SULT1E1: variants seen among roughly 807,000 people sequenced by gnomAD.
SULT1E1 encodes sulfotransferase family 1E member 1.
A neutral mutation model predicts 33.6 loss-of-function variants in SULT1E1; 36 were observed. That is an observed-to-expected ratio of 1.07 (90% confidence interval 0.82 to 1.41). SULT1E1 has a LOEUF of 1.41. Among genes scored for constraint, SULT1E1 ranks in the 40% most tolerant of loss-of-function variants. SULT1E1 has a pLI of 0.00. For synonymous variants in SULT1E1, 121 were observed against 111.7 expected (o/e 1.08, Z -0.53); for missense variants, 371 against 345.7 (o/e 1.07, Z -0.58).
chr4:69,849,475 G>C lies in SULT1E1; in HGVS notation c.458C>G (p.Ser153Cys), dbSNP rs749963767. 1 of 1,611,664 alleles carries C rather than the reference G, an allele frequency of 6.2e-7. No homozygotes were observed. Among genetic ancestry groups the C allele is most frequent in the East Asian group, 2.2e-5 (1 of 44,802 alleles). ...LMVAGHPNPG[S>C]FPEFVEKFMQ... Reference sequence around the variant, plus strand: ...GAATTTCTCCACAAACTCTGGAAAGGATCCAGGATTTGGATGACCAGCCAC... The same window carrying C: ...GAATTTCTCCACAAACTCTGGAAAGCATCCAGGATTTGGATGACCAGCCAC... The change falls in exon 5 of 8, where the codon TCC becomes TGC. Residue 153 changes from serine (S) to cysteine (C), a missense_variant. Physicochemically the swap from Ser to Cys is moderately radical, Grantham distance 112. Coordinates refer to ENST00000226444, the MANE Select transcript of SULT1E1 (RefSeq NM_005420.3).
the SULT1E1 span, among the ~76,000 whole-genome samples, chr4:69,822,309 C>G: frequency 2.0e-5 from 3 of 152,056 alleles, no homozygotes; most frequent in African/African-American, 7.2e-5. Flanking sequence ...GCTTAGTTTG[C>G]AGGAATAATA....
chr4:69,852,056 T>C (rs568119357), intron 4 of SULT1E1, among the ~76,000 whole-genome samples: 2 of 152,214 alleles, frequency 1.3e-5, no homozygotes, highest in Non-Finnish European at 2.9e-5. Flanking sequence ...GATACCAACA[T>C]GGCACATGTA....
intron 5 of SULT1E1, among the ~76,000 whole-genome samples, chr4:69,848,521 T>C (rs1361367080): frequency 6.6e-6 from 1 of 151,928 alleles, no homozygotes; most frequent in Non-Finnish European, 1.5e-5. Flanking sequence ...TAGGGAATTT[T>C]TCCTTACAGA....
intron 1 of SULT1E1, among the ~76,000 whole-genome samples, chr4:69,858,310 C>T (rs547722826): frequency 5.9e-5 from 9 of 152,176 alleles, no homozygotes; most frequent in African/African-American, 2.2e-4. Context: ...TGGATACTCC[C>T]ATTGAATGAC....
At chr4:69,822,634 C>A in the SULT1E1 span, among the ~76,000 whole-genome samples, 1 of 152,154 alleles carries the variant, frequency 6.6e-6, no homozygotes, top group Non-Finnish European at 1.5e-5. Flanking sequence ...ACTCTAGGTT[C>A]TGTACTGCAA....
downstream of SULT1E1, among the ~76,000 whole-genome samples, chr4:69,836,684 A>G (rs902962292): frequency 6.6e-6 from 1 of 152,186 alleles, no homozygotes; most frequent in African/African-American, 2.4e-5. Flanking sequence ...TAAATGAAAC[A>G]TATTTCAAAA....
At chr4:69,824,583 G>A in the SULT1E1 span, among the ~76,000 whole-genome samples, 1 of 152,148 alleles carries the variant, frequency 6.6e-6, no homozygotes, top group East Asian at 1.9e-4. Context: ...AGCCAGCCGG[G>A]GTTCTTGGTC....
rs749786921 is a variant in SULT1E1 at position 69,857,573 on chromosome 4, G to A, written c.72C>T (p.Val24=). 2.5e-6 allele frequency: 4 copies of A among 1,613,132 alleles called. No homozygotes were observed. In the East Asian group the frequency reaches 8.9e-5, roughly 36 times the overall value. Residue 24 remains valine (V), a synonymous_variant, in exon 2 of 8, where the codon GTC becomes GTT. Transcript: ENST00000226444. ...ACGCTTCCACATTATCCCAATATTTGACAAAATCTTTATACATTAGAATCC... is the reference window on the plus strand; with the variant it reads ...ACGCTTCCACATTATCCCAATATTTAACAAAATCTTTATACATTAGAATCC... ...VHGILMYKDF[V]KYWDNVEAFQ... is the part of the protein sequence containing the mutation.
At chr4:69,846,305 C>CAAA (rs34408656) in intron 6 of SULT1E1, among the ~76,000 whole-genome samples, 7 of 107,038 alleles carry the variant, frequency 6.5e-5, no homozygotes, top group African/African-American at 1.1e-4. Context: ...ACAAAACAAT[C>CAAA]AAAAAAAAAA....
chr4:69,850,672 T>C (rs1171945871), intron 4 of SULT1E1, among the ~76,000 whole-genome samples: 1 of 152,224 alleles, frequency 6.6e-6, no homozygotes, highest in East Asian at 1.9e-4. Context: ...ACTGTATGCA[T>C]TAATTTACTT....
At chr4:69,849,412 T>A (rs1439774720) in intron 5 of SULT1E1, 25 bp downstream of exon 5, 6 of 1,600,584 alleles carry the variant, frequency 3.7e-6, no homozygotes, top group East Asian at 2.2e-5. Context: ...TGAAAAAAAA[T>A]TCAGTGTAAA....
At chr4:69,839,658 G>A (rs757757958), downstream of SULT1E1, among the ~76,000 whole-genome samples, 3 of 152,248 alleles carry the variant, frequency 2.0e-5, no homozygotes, top group Non-Finnish European at 4.4e-5. Flanking sequence ...TTTCTTGGAA[G>A]CACAGAACCA....
At chr4:69,842,227 A>G (rs1220724) in intron 7 of SULT1E1, 121 bp from the exon 8 acceptor site, 511,837 of 628,034 alleles carry the variant, frequency 0.81, 211,114 homozygotes, top group Non-Finnish European at 0.85. Context: ...CTCAATTTTA[A>G]GAATCAAATG....
At chr4:69,849,181 G>A in intron 5 of SULT1E1, 1 of 238,572 alleles carries the variant, frequency 4.2e-6, no homozygotes, top group Non-Finnish European at 8.3e-6. Context: ...GAATAAAATT[G>A]CTACCCCCAG....
the SULT1E1 span, among the ~76,000 whole-genome samples, chr4:69,834,218 G>T: frequency 6.6e-6 from 1 of 152,156 alleles, no homozygotes; most frequent in South Asian, 2.1e-4. Flanking sequence ...CTCCAGGTTT[G>T]TATAGTAAGC....
At chr4:69,824,965 G>A in the SULT1E1 span, among the ~76,000 whole-genome samples, 385 of 152,212 alleles carry the variant, frequency 2.5e-3, 2 homozygotes, top group Admixed American at 0.017. Context: ...TTGCTCTTTC[G>A]GGTCACTACT....
chr4:69,852,606 A>G (rs1383318940), intron 4 of SULT1E1, among the ~76,000 whole-genome samples: 1 of 152,102 alleles, frequency 6.6e-6, no homozygotes, highest in Non-Finnish European at 1.5e-5. Flanking sequence ...TCTTCTCTTT[A>G]TCACTTACAG....
At position 69,857,388 on chromosome 4, in the gene SULT1E1, G is replaced by A. The variant is rs1042091444; in HGVS notation, c.145+112C>T. The A allele has an allele frequency of 1.1e-4, 142 of 1,309,314 alleles. 1 individual carries two copies. Among genetic ancestry groups the A allele is most frequent in the Non-Finnish European group, 1.3e-4 (129 of 970,646 alleles). The allele number at this position is 1,309,314 out of a possible 1,614,324, so 81.1% of individuals were successfully genotyped here. On this transcript the variant is annotated intron_variant, in intron 2 of 7. Coordinates refer to ENST00000226444, the MANE Select transcript of SULT1E1 (RefSeq NM_005420.3). ...TTTCTATGTCCATATCAAAACTACC[G>A]CATCTGTTCTTAATATAGAGAATGA...
the SULT1E1 span, among the ~76,000 whole-genome samples, chr4:69,826,537 C>T: frequency 6.6e-6 from 1 of 152,044 alleles, no homozygotes; most frequent in Non-Finnish European, 1.5e-5. Context: ...AGAAACAAAG[C>T]AAAACCACAG....
Sources: gnomAD v4.1 joint callset for allele counts (sites outside exome capture counted in the v4.1 genomes callset) on GRCh38, gnomAD v4.1.1 for gene constraint, MANE v1.5 for transcripts, NCBI Gene and HGNC (gene_info 2026-07-23, HGNC 2026-07-21) for gene names.